SCHIP1: variants seen among roughly 807,000 people sequenced by gnomAD.
The protein encoded by SCHIP1 is schwannomin interacting protein 1.
A neutral mutation model predicts 29.7 loss-of-function variants in SCHIP1; 8 were observed. That is an observed-to-expected ratio of 0.27 (90% CI 0.16 to 0.49). The LOEUF is 0.49. Among genes scored for constraint, SCHIP1 ranks in the 20% least tolerant of loss-of-function variants. The pLI is 0.99. For synonymous variants in SCHIP1, 76 were observed against 94.9 expected (o/e 0.80, Z 1.16); for missense variants, 193 against 294.6 (o/e 0.66, Z 2.52).
At chr3:159,606,266 T>C in the SCHIP1 span, among the ~76,000 whole-genome samples, 4 of 152,190 alleles carry the variant, frequency 2.6e-5, no homozygotes, top group Non-Finnish European at 4.4e-5. Context: ...TATACATTTA[T>C]ATCATAAAAG....
the SCHIP1 span, among the ~76,000 whole-genome samples, chr3:159,291,842 A>G: frequency 5.3e-5 from 8 of 152,146 alleles, no homozygotes; most frequent in South Asian, 2.1e-4. Flanking sequence ...CTGTGAGACA[A>G]TTGACTCGGG....
At chr3:159,774,031 A>G in the SCHIP1 span, among the ~76,000 whole-genome samples, 1 of 152,256 alleles carries the variant, frequency 6.6e-6, no homozygotes, top group Admixed American at 6.5e-5. Flanking sequence ...TAGAATTTAA[A>G]AGGCTTGCTG....
At chr3:159,284,285 A>G in the SCHIP1 span, among the ~76,000 whole-genome samples, 1 of 152,188 alleles carries the variant, frequency 6.6e-6, no homozygotes, top group Non-Finnish European at 1.5e-5. Context: ...TTTCCAAGAT[A>G]TATAAGTGAA....
chr3:159,536,282 C>T, the SCHIP1 span, among the ~76,000 whole-genome samples: 1 of 152,180 alleles, frequency 6.6e-6, no homozygotes, highest in Non-Finnish European at 1.5e-5. Flanking sequence ...CGAGTTAAAT[C>T]ACCTCCCATC....
Position 159,878,914 on chromosome 3 carries a change from ACT to A in SCHIP1, c.150-7290_150-7289del, listed in dbSNP as rs1410459493. Among the ~76,000 whole-genome samples the A allele has an allele frequency of 3.4e-5, 5 of 147,696 alleles. 1 individual carries two copies. The highest frequency in any genetic ancestry group is 5.0e-5 in the African/African-American group (2 of 40,336). On this transcript the variant is annotated intron_variant, in intron 2 of 6. Coordinates refer to ENST00000445224, the Ensembl canonical transcript of SCHIP1. ...AGAGGAAAATCCAAAGCCAACTGAA[ACT>A]CTTTCACCAAAAAAAAAAAAGATGT...
At chr3:159,506,060 G>A in the SCHIP1 span, among the ~76,000 whole-genome samples, 1 of 152,200 alleles carries the variant, frequency 6.6e-6, no homozygotes, top group Admixed American at 6.5e-5. Context: ...CTTCTACAAT[G>A]GTTGAACTAG....
the SCHIP1 span, among the ~76,000 whole-genome samples, chr3:159,608,089 T>G: frequency 6.6e-6 from 1 of 152,136 alleles, no homozygotes; most frequent in African/African-American, 2.4e-5. Flanking sequence ...AGATGTGGGC[T>G]CAAGGCAAAG....
chr3:159,764,886 T>C, the SCHIP1 span: 1 of 1,572,158 alleles, frequency 6.4e-7, no homozygotes, highest in South Asian at 1.2e-5. This position sits in a 1 kb window ranked among gnomAD's most constrained non-coding sequence, Gnocchi z 6.1. Context: ...TGGTGGTGGC[T>C]GGCCGGCCGA....
chr3:159,719,362 C>G, the SCHIP1 span, among the ~76,000 whole-genome samples: 1 of 152,166 alleles, frequency 6.6e-6, no homozygotes, highest in Non-Finnish European at 1.5e-5. Context: ...GCAATGGCAA[C>G]AGTAGCCAAA....
At chr3:159,349,348 A>G in the SCHIP1 span, among the ~76,000 whole-genome samples, 1 of 152,220 alleles carries the variant, frequency 6.6e-6, no homozygotes, top group Non-Finnish European at 1.5e-5. Context: ...CTAACTCTTT[A>G]TACATTAAAA....
At chr3:159,818,814 T>G in the SCHIP1 span, among the ~76,000 whole-genome samples, 1 of 152,252 alleles carries the variant, frequency 6.6e-6, no homozygotes, top group African/African-American at 2.4e-5. Context: ...CATTTGGCTT[T>G]TGTAGATTAA....
chr3:159,400,370 C>T, the SCHIP1 span, among the ~76,000 whole-genome samples: 1 of 152,104 alleles, frequency 6.6e-6, no homozygotes, highest in African/African-American at 2.4e-5. Context: ...TATCAAAGAA[C>T]AGAGTGATGT....
chr3:159,716,416 T>C, the SCHIP1 span, among the ~76,000 whole-genome samples: 1 of 152,216 alleles, frequency 6.6e-6, no homozygotes, highest in Non-Finnish European at 1.5e-5. Flanking sequence ...GCCTTAAATG[T>C]AAATGGGCTA....
At chr3:159,717,334 G>A in the SCHIP1 span, among the ~76,000 whole-genome samples, 6 of 152,212 alleles carry the variant, frequency 3.9e-5, 1 homozygote, top group Admixed American at 3.3e-4. Context: ...GGAGAAGCAA[G>A]AGCAAACACA....
the SCHIP1 span, among the ~76,000 whole-genome samples, chr3:159,734,303 C>A: frequency 3.2e-4 from 49 of 151,740 alleles, no homozygotes; most frequent in African/African-American, 1.1e-3. Context: ...CCACCATGCC[C>A]AGCTAATTTT....
chr3:159,887,692 C>T lies in SCHIP1; in HGVS notation c.268-16C>T. The T allele has an allele frequency of 6.2e-7, 1 of 1,613,718 alleles. No individual in the cohort carries two copies. Among genetic ancestry groups the T allele is most frequent in the Non-Finnish European group, 8.5e-7 (1 of 1,179,754 alleles). On this transcript the variant is annotated splice_polypyrimidine_tract_variant and intron_variant, in intron 3 of 6. Transcript: ENST00000445224. ...GCATGCATGGAAGGCTCAGGCTGCT[C>T]TTTTTCCCTTTGCAGAGCAAACAGA...
chr3:159,734,948 A>C, the SCHIP1 span, among the ~76,000 whole-genome samples: 1 of 152,034 alleles, frequency 6.6e-6, no homozygotes. Context: ...TGCCCAACTC[A>C]CTGGGAAACC....
chr3:159,569,170 G>GT, the SCHIP1 span, among the ~76,000 whole-genome samples: 44 of 150,854 alleles, frequency 2.9e-4, no homozygotes, highest in East Asian at 7.8e-4. Context: ...CCAATTACTG[G>GT]TTTTTTTTTA....
At chr3:159,345,735 G>A in the SCHIP1 span, among the ~76,000 whole-genome samples, 4 of 152,100 alleles carry the variant, frequency 2.6e-5, no homozygotes, top group Admixed American at 1.3e-4. Flanking sequence ...AAATCTGTAT[G>A]TATTACTTTG....
Sources: allele counts gnomAD v4.1 joint callset (sites outside exome capture counted in the v4.1 genomes callset), GRCh38; gene constraint gnomAD v4.1.1; non-coding constraint Gnocchi (gnomAD v3.1); transcripts MANE v1.5; gene names NCBI Gene and HGNC (gene_info 2026-07-23, HGNC 2026-07-21).